The following SLC16A12 variants were observed in gnomAD, a reference collection of about 807,000 sequenced individuals.
The protein encoded by SLC16A12 is monocarboxylate transporter 12.
Under a neutral mutation model 42.4 loss-of-function variants are expected in SLC16A12, and 17 were observed. The observed-to-expected ratio is 0.40, with a 90% confidence interval of 0.27 to 0.60. The LOEUF (loss-of-function observed/expected upper bound fraction) is 0.60. Among genes scored for constraint, SLC16A12 ranks in the 20% least tolerant of loss-of-function variants. The pLI is 0.42. For missense variants in SLC16A12, 544 were observed against 623.0 expected, an observed-to-expected ratio of 0.87 and a Z score of 1.35; for synonymous variants, 224 against 229.4, an observed-to-expected ratio of 0.98 and a Z score of 0.21.
chr10:89,439,329 C>A, intron 5 of SLC16A12, 146 bp from the exon 6 acceptor site: 1 of 768,348 alleles, frequency 1.3e-6, no homozygotes, highest in East Asian at 2.7e-5. Flanking sequence ...AAATGAGTCT[C>A]CCCTCACCAG....
At chr10:89,462,665 T>C in intron 2 of SLC16A12, 41 bp from the exon 3 acceptor site, 12 of 1,482,812 alleles carry the variant, frequency 8.1e-6, no homozygotes, top group Non-Finnish European at 9.8e-6. Context: ...CTTATTGCTA[T>C]GTCCAAAGGT....
intron 2 of SLC16A12, among the ~76,000 whole-genome samples, chr10:89,541,457 C>T (rs189645350): frequency 4.6e-5 from 7 of 152,222 alleles, no homozygotes; most frequent in African/African-American, 1.4e-4. Context: ...ATTAGCTAGA[C>T]ATGGTGGTGA....
chr10:89,523,920 T>A (rs754535446), intron 2 of SLC16A12, among the ~76,000 whole-genome samples: 2 of 152,232 alleles, frequency 1.3e-5, no homozygotes, highest in Non-Finnish European at 2.9e-5. Context: ...GACTGAGAGA[T>A]GCCCTGGGTA....
intron 2 of SLC16A12, among the ~76,000 whole-genome samples, chr10:89,485,443 G>A (rs117288046): frequency 0.014 from 2,159 of 152,286 alleles, 24 homozygotes; most frequent in Non-Finnish European, 0.022. Flanking sequence ...GACATCTAAC[G>A]GCTCATCCTG....
At chr10:89,529,025 T>C (rs1843499554) in intron 2 of SLC16A12, among the ~76,000 whole-genome samples, 7 of 152,250 alleles carry the variant, frequency 4.6e-5, no homozygotes, top group Admixed American at 4.6e-4. Flanking sequence ...TTAATAATGA[T>C]GATTAAGGCT....
exon 1 of SLC16A12, chr10:89,556,561 C>T (rs1052745728): frequency 2.0e-5 from 3 of 152,196 alleles, no homozygotes; most frequent in African/African-American, 7.2e-5. Flanking sequence ...TTTCTCTCCC[C>T]AAGGCAGGAA....
intron 2 of SLC16A12, among the ~76,000 whole-genome samples, chr10:89,548,578 G>T (rs1443006478): frequency 3.9e-5 from 6 of 152,174 alleles, no homozygotes; most frequent in African/African-American, 1.2e-4. Flanking sequence ...GACTTTGGGA[G>T]GCTGAGGCGG....
At chr10:89,457,662 A>ATT (rs57114948) in intron 3 of SLC16A12, among the ~76,000 whole-genome samples, 8 of 151,236 alleles carry the variant, frequency 5.3e-5, no homozygotes, top group African/African-American at 1.9e-4. Flanking sequence ...AACCAGTTAC[A>ATT]TTTTTTTTTG....
intron 5 of SLC16A12, among the ~76,000 whole-genome samples, chr10:89,440,476 A>G (rs1201686399): frequency 6.6e-6 from 1 of 152,230 alleles, no homozygotes; most frequent in African/African-American, 2.4e-5. Flanking sequence ...ATGCCCAGAC[A>G]GGAGTTGGCG....
chr10:89,434,285 T>C (rs1339566574), intron 7 of SLC16A12, among the ~76,000 whole-genome samples: 1 of 152,222 alleles, frequency 6.6e-6, no homozygotes, highest in Non-Finnish European at 1.5e-5. Flanking sequence ...AAGAAAATGA[T>C]ACAATAAGAA....
chr10:89,464,925 T>C (rs1842367459), intron 2 of SLC16A12, among the ~76,000 whole-genome samples: 1 of 152,164 alleles, frequency 6.6e-6, no homozygotes, highest in African/African-American at 2.4e-5. Flanking sequence ...AAATTATAAA[T>C]CTATCAAAAG....
At chr10:89,508,043 A>G (rs1843095836) in intron 2 of SLC16A12, among the ~76,000 whole-genome samples, 1 of 152,222 alleles carries the variant, frequency 6.6e-6, no homozygotes, top group Non-Finnish European at 1.5e-5. Context: ...CTAACTATAT[A>G]TGCATCCAAA....
chr10:89,489,474 G>A (rs904205878), intron 2 of SLC16A12, among the ~76,000 whole-genome samples: 49 of 152,110 alleles, frequency 3.2e-4, no homozygotes, highest in Middle Eastern at 3.4e-3. Context: ...GATTACCTGG[G>A]ACTACAGACT....
intron 6 of SLC16A12, 31 bp downstream of exon 6, chr10:89,438,573 G>A (rs1841843312): frequency 1.2e-6 from 2 of 1,602,154 alleles, no homozygotes; most frequent in Non-Finnish European, 1.7e-6. Flanking sequence ...GTCCCCTGGT[G>A]GGGAACCAAT....
intron 2 of SLC16A12, among the ~76,000 whole-genome samples, chr10:89,541,143 G>T (rs1265578474): frequency 6.6e-6 from 1 of 151,400 alleles, no homozygotes; most frequent in East Asian, 2.0e-4. Context: ...AGCCAGGATG[G>T]TCTCGATCTC....
intron 2 of SLC16A12, among the ~76,000 whole-genome samples, chr10:89,526,060 A>G (rs1440546520): frequency 6.6e-6 from 1 of 152,172 alleles, no homozygotes; most frequent in East Asian, 1.9e-4. Flanking sequence ...TGCATGATGC[A>G]GGGTTTTCAA....
chr10:89,486,982 C>G (rs181876795), intron 2 of SLC16A12, among the ~76,000 whole-genome samples: 11 of 152,280 alleles, frequency 7.2e-5, no homozygotes, highest in Non-Finnish European at 1.3e-4. Context: ...AAAAGACACT[C>G]CAGGAGAAAA....
intron 2 of SLC16A12, among the ~76,000 whole-genome samples, chr10:89,525,487 C>G (rs1843435568): frequency 6.6e-6 from 1 of 152,086 alleles, no homozygotes; most frequent in Non-Finnish European, 1.5e-5. Context: ...AGAAGTCAAT[C>G]TCAGCAAGTA....
chr10:89,436,403 C>T, intron 6 of SLC16A12, 84 bp from the exon 7 acceptor site: 1 of 1,519,180 alleles, frequency 6.6e-7, no homozygotes, highest in South Asian at 1.1e-5. Flanking sequence ...CAGCAGTAAG[C>T]ATTGCAGTTA....
Sources: allele counts gnomAD v4.1 joint callset (sites outside exome capture counted in the v4.1 genomes callset), GRCh38; gene constraint gnomAD v4.1.1; transcripts MANE v1.5; gene names NCBI Gene and HGNC (gene_info 2026-07-23, HGNC 2026-07-21).